ALDH1A3: variants seen among roughly 807,000 people sequenced by gnomAD.
ALDH1A3 encodes the protein aldehyde dehydrogenase 1 family member A3, also known as retinaldehyde dehydrogenase 3.
In ALDH1A3, 28 loss-of-function variants were observed where a neutral mutation model predicts 57.5. That is an observed-to-expected ratio of 0.49 (90% CI 0.36 to 0.67). ALDH1A3 has a LOEUF of 0.67. ALDH1A3 is among the 30% of genes least tolerant of loss of function. ALDH1A3 has a pLI of 0.00. For synonymous variants in ALDH1A3, 281 were observed against 264.8 expected (o/e 1.06, Z -0.59); for missense variants, 507 against 669.4 (o/e 0.76, Z 2.68).
At chr15:100,909,836 G>A (rs1287820283) in intron 12 of ALDH1A3, among the ~76,000 whole-genome samples, 1 of 152,238 alleles carries the variant, frequency 6.6e-6, no homozygotes, top group East Asian at 1.9e-4. Flanking sequence ...TAGGATCAGT[G>A]TTCCCAAGGA....
intron 10 of ALDH1A3, 128 bp downstream of exon 10, chr15:100,905,815 G>A (rs759352568): frequency 7.2e-5 from 68 of 950,564 alleles, no homozygotes; most frequent in South Asian, 5.0e-4. Context: ...TGTTGTTGTC[G>A]TTGTTGTTTT....
At position 100,914,992 on chromosome 15, in the gene ALDH1A3, G is replaced by C; in HGVS notation, c.*219G>C. ...TGTCTGTGAAATCGCAGTCCTGCCT[G>C]GGGAGGGAGCTGTTGGCCATTTCTG... On this transcript the variant is annotated 3_prime_UTR_variant, in exon 13 of 13. Coordinates refer to ENST00000329841, the MANE Select transcript of ALDH1A3 (RefSeq NM_000693.4). 1 of 554,630 alleles carries C rather than the reference G, an allele frequency of 1.8e-6. No individual in the cohort carries two copies. Among genetic ancestry groups the C allele is most frequent in the Admixed American group, 3.1e-5 (1 of 32,482 alleles). The allele number at this position is 554,630 out of a possible 1,614,324, so 34.4% of individuals were successfully genotyped here.
At chr15:100,912,812 C>T (rs1024612233) in intron 12 of ALDH1A3, among the ~76,000 whole-genome samples, 1 of 152,160 alleles carries the variant, frequency 6.6e-6, no homozygotes. Flanking sequence ...TAGTTCTAAG[C>T]CAGTGGTTCT....
In ALDH1A3 at chr15:100,895,708, C is replaced by T. The variant is rs1200819039; in HGVS notation, c.667-225C>T. 1.6e-5 allele frequency: 9 copies of T among 567,986 alleles called. No individual in the cohort carries two copies. The African/African-American group carries it at 1.7e-4, about 11-fold the overall frequency. The allele number at this position is 567,986 out of a possible 1,614,324, so 35.2% of individuals were successfully genotyped here. On this transcript the variant is annotated intron_variant, in intron 6 of 12. Coordinates refer to ENST00000329841, the MANE Select transcript of ALDH1A3 (RefSeq NM_000693.4). ...GTCCCCCCCCAGAAGGAGAAGTGGG[C>T]ATCTCCCCTTGCCCAGCCTGCACAC...
In ALDH1A3 at chr15:100,879,906, C is replaced by T; in HGVS notation, c.-2C>T. The T allele has an allele frequency of 2.1e-6, 3 of 1,441,116 alleles. No homozygotes were observed. Among genetic ancestry groups the T allele is most frequent in the Non-Finnish European group, 2.7e-6 (3 of 1,094,412 alleles). The allele number at this position is 1,441,116 out of a possible 1,614,324, so 89.3% of individuals were successfully genotyped here. A position where few individuals can be genotyped will look rare whatever the true frequency, so the allele number is the denominator to read the frequency against. The stretch of plus-strand genomic sequence containing the variant: ...CCTCGGGCCAGGGAGCGCGGAGGAG[C>T]CATGGCCACCGCTAACGGGGCCGTG... On this transcript the variant is annotated 5_prime_UTR_variant, in exon 1 of 13. Coordinates refer to ENST00000329841, the MANE Select transcript of ALDH1A3 (RefSeq NM_000693.4).
intron 9 of ALDH1A3, 25 bp from the exon 10 acceptor site, chr15:100,905,498 T>A: frequency 6.2e-7 from 1 of 1,614,174 alleles, no homozygotes; most frequent in Non-Finnish European, 8.5e-7. Context: ...GAAGCCAGGC[T>A]GTACTTCTTG....
intron 3 of ALDH1A3, chr15:100,888,670 A>G (rs1382124555): frequency 6.6e-6 from 1 of 152,224 alleles, no homozygotes; most frequent in Admixed American, 6.5e-5. Context: ...CCTGGGTTCA[A>G]ATCCCCACTC....
chr15:100,905,698 G>A lies in ALDH1A3; in HGVS notation c.1233+11G>A, dbSNP rs778102899. On this transcript the variant is annotated intron_variant, in intron 10 of 12. Coordinates refer to ENST00000329841, the MANE Select transcript of ALDH1A3 (RefSeq NM_000693.4). ...ATTGCCAAAGAGGAGGTACAAGGGG[G>A]CTGTGGCAAGGCTACGACTTGCGGG... is the stretch of plus-strand genomic sequence containing the variant. The A allele has an allele frequency of 5.2e-6, 8 of 1,539,892 alleles. No individual in the cohort carries two copies. The highest frequency in any genetic ancestry group is 2.8e-5 in the African/African-American group (2 of 72,140).
chr15:100,905,676 G>A lies in ALDH1A3; in HGVS notation c.1222G>A (p.Ala408Thr). 1 of 1,580,192 alleles carries A rather than the reference G, an allele frequency of 6.3e-7. No individual in the cohort carries two copies. Residue 408 changes from alanine to threonine, a missense_variant, in exon 10 of 13, where the codon GCC becomes ACC. Ala to Thr is a moderately conservative substitution (Grantham distance 58). Transcript: ENST00000329841. The stretch of plus-strand genomic sequence containing the variant: ...AGAAGTCACAGACAACATGCGGATT[G>A]CCAAAGAGGAGGTACAAGGGGGCTG... ...FSEVTDNMRIAKEEIFGPVQP... is the reference protein window; with the variant it reads ...FSEVTDNMRITKEEIFGPVQP...
At chr15:100,903,873 C>T (rs2041795703) in intron 9 of ALDH1A3, among the ~76,000 whole-genome samples, 2 of 152,172 alleles carry the variant, frequency 1.3e-5, no homozygotes, top group South Asian at 4.1e-4. Context: ...ACTTCTAAGA[C>T]CTCTTTACAT....
chr15:100,879,831 A>G lies in ALDH1A3; in HGVS notation c.-77A>G. On this transcript the variant is annotated 5_prime_UTR_variant, in exon 1 of 13. Coordinates refer to ENST00000329841, the MANE Select transcript of ALDH1A3 (RefSeq NM_000693.4). ...AGCGGCGGGGAGCTGCCACCCCGGG[A>G]GCGGGCTGCGCAGTGTCCGGGCCGA... The G allele has an allele frequency of 1.8e-6, 2 of 1,091,430 alleles. No individual in the cohort carries two copies. The highest frequency in any genetic ancestry group is 3.0e-5 in the South Asian group (1 of 33,294). The allele number at this position is 1,091,430 out of a possible 1,614,324, so 67.6% of individuals were successfully genotyped here.
intron 1 of ALDH1A3, 22 bp downstream of exon 1, chr15:100,880,028 C>T (rs1328464226): frequency 2.8e-6 from 4 of 1,438,040 alleles, no homozygotes; most frequent in Non-Finnish European, 2.8e-6. Flanking sequence ...GCCCCTCCCA[C>T]CCGACGGCCG....
At chr15:100,911,962 A>T (rs1462312434) in intron 12 of ALDH1A3, among the ~76,000 whole-genome samples, 1 of 152,178 alleles carries the variant, frequency 6.6e-6, no homozygotes, top group Non-Finnish European at 1.5e-5. Flanking sequence ...TCACTTTTAG[A>T]GTGTATTGTG....
chr15:100,899,718 C>T (rs1383155040), intron 8 of ALDH1A3, among the ~76,000 whole-genome samples: 3 of 152,116 alleles, frequency 2.0e-5, no homozygotes, highest in East Asian at 1.9e-4. Flanking sequence ...ACCCCCAAAC[C>T]TTATGGTGCT....
intron 9 of ALDH1A3, among the ~76,000 whole-genome samples, chr15:100,902,501 C>T (rs553438693): frequency 1.6e-4 from 25 of 152,344 alleles, no homozygotes; most frequent in East Asian, 1.9e-4. Context: ...TCCGGGTCCA[C>T]GGCCGGGCTA....
chr15:100,898,011 T>G, intron 7 of ALDH1A3, 72 bp from the exon 8 acceptor site: 1 of 1,439,606 alleles, frequency 6.9e-7, no homozygotes, highest in Non-Finnish European at 9.7e-7. Flanking sequence ...ATCAGAATGT[T>G]CACTGATGTT....
chr15:100,907,551 C>T (rs531110427), intron 11 of ALDH1A3, among the ~76,000 whole-genome samples: 23 of 152,284 alleles, frequency 1.5e-4, no homozygotes, highest in Admixed American at 7.2e-4. Context: ...GTACCTGTGC[C>T]TGTGGCCCCT....
At chr15:100,912,480 G>C (rs975726499) in intron 12 of ALDH1A3, among the ~76,000 whole-genome samples, 21 of 152,030 alleles carry the variant, frequency 1.4e-4, no homozygotes, top group African/African-American at 4.6e-4. Context: ...TTTTTTTCTA[G>C]TTTGTCATTT....
intron 2 of ALDH1A3, among the ~76,000 whole-genome samples, chr15:100,886,136 A>T (rs1037437748): frequency 1.3e-5 from 2 of 152,244 alleles, no homozygotes; most frequent in African/African-American, 4.8e-5. Flanking sequence ...GGGCGTGTGC[A>T]GAGTAGGCTT....
Sources: allele counts gnomAD v4.1 joint callset (sites outside exome capture counted in the v4.1 genomes callset), GRCh38; gene constraint gnomAD v4.1.1; transcripts MANE v1.5; gene names NCBI Gene and HGNC (gene_info 2026-07-23, HGNC 2026-07-21).